MGST1: variants seen among roughly 807,000 people sequenced by gnomAD.
The protein encoded by MGST1 is glutathione S-transferase 12.
MGST1 carries 5 observed loss-of-function variants against 8.9 expected under a neutral mutation model. The observed-to-expected ratio is 0.56, with a 90% CI of 0.29 to 1.19. The LOEUF is 1.19. Ranked by LOEUF, MGST1 falls within the 50% of genes most tolerant of loss-of-function variation. The probability of loss-of-function intolerance (pLI) is 0.08; values close to 1 mark genes in which losing one functional copy is unlikely to be tolerated. For missense variants in MGST1, 182 were observed against 187.4 expected (o/e 0.97, Z 0.17); for synonymous variants, 54 against 67.8 (o/e 0.80, Z 1.00).
chr12:16,471,920 T>TATAC (rs1941291657), intron 4 of MGST1, among the ~76,000 whole-genome samples: 5 of 148,920 alleles, frequency 3.4e-5, no homozygotes, highest in Admixed American at 3.4e-4. Flanking sequence ...TACACACACA[T>TATAC]ACACACACAC....
chr12:16,367,007 A>G (rs1940204554), downstream of MGST1, among the ~76,000 whole-genome samples: 1 of 152,218 alleles, frequency 6.6e-6, no homozygotes, highest in African/African-American at 2.4e-5. Flanking sequence ...ATTATACTGG[A>G]CAAAAGTTTG....
intron 4 of MGST1, among the ~76,000 whole-genome samples, chr12:16,484,847 ATGT>A (rs1941388702): frequency 3.9e-5 from 6 of 152,188 alleles, no homozygotes; most frequent in African/African-American, 1.4e-4. Context: ...CTTTCCAGTG[ATGT>A]TGTAAGATAT....
intron 1 of MGST1, among the ~76,000 whole-genome samples, chr12:16,432,963 TAGTC>T (rs1324972274): frequency 1.3e-5 from 2 of 151,968 alleles, no homozygotes; most frequent in African/African-American, 2.4e-5. Flanking sequence ...GTGTGTGTAT[TAGTC>T]AGGGTTCTCT....
At chr12:16,509,714 G>T (rs577497306) in intron 4 of MGST1, among the ~76,000 whole-genome samples, 1 of 152,282 alleles carries the variant, frequency 6.6e-6, no homozygotes, top group South Asian at 2.1e-4. Context: ...TAGTCTTCCG[G>T]AGTCAGTTTT....
rs776669758 is a variant in MGST1 at position 16,376,159 on chromosome 12, A to G, written c.259A>G (p.Ile87Val). ...CCTGAGCATTTATCTTGCCTCTTCT[A>G]TATAAAGTTTAACTCGGCATAACCA... Residue 87 changes from isoleucine to valine, a missense_variant, in exon 4 of 4, where the codon ATA becomes GTA. Transcript: ENST00000535309. 5.9e-4 allele frequency: 727 copies of G among 1,236,846 alleles called. 1 individual carries two copies. The highest frequency in any genetic ancestry group is 7.3e-4 in the Non-Finnish European group (651 of 886,236). 76.6% of individuals were successfully genotyped at this position (1,236,846 alleles called of 1,614,324 possible).
At chr12:16,394,955 A>G (rs995014665) in intron 1 of MGST1, among the ~76,000 whole-genome samples, 1 of 151,946 alleles carries the variant, frequency 6.6e-6, no homozygotes, top group African/African-American at 2.4e-5. Context: ...ACTAGCCCCT[A>G]TCAATTTTAT....
At chr12:16,451,114 G>C (rs1941125407) in intron 4 of MGST1, among the ~76,000 whole-genome samples, 1 of 151,886 alleles carries the variant, frequency 6.6e-6, no homozygotes, top group East Asian at 1.9e-4. Flanking sequence ...TATCATTTCA[G>C]TTTTCAAAAT....
At chr12:16,514,719 G>C (rs1240012454) in intron 4 of MGST1, among the ~76,000 whole-genome samples, 1 of 152,230 alleles carries the variant, frequency 6.6e-6, no homozygotes, top group Admixed American at 6.5e-5. Context: ...TTCAGCCTCT[G>C]CTACTGGGAG....
chr12:16,522,180 C>G (rs538315759), intron 4 of MGST1, among the ~76,000 whole-genome samples: 2 of 152,138 alleles, frequency 1.3e-5, no homozygotes, highest in Non-Finnish European at 2.9e-5. Flanking sequence ...TTCATCAGCT[C>G]GGGGATTGGA....
At chr12:16,552,533 T>A (rs535683245) in intron 4 of MGST1, among the ~76,000 whole-genome samples, 1 of 152,190 alleles carries the variant, frequency 6.6e-6, no homozygotes, top group African/African-American at 2.4e-5. Context: ...TTTTTCCAAC[T>A]GGGTAGCTTT....
chr12:16,461,471 A>T (rs984708556), intron 4 of MGST1, among the ~76,000 whole-genome samples: 6 of 152,138 alleles, frequency 3.9e-5, no homozygotes, highest in Non-Finnish European at 7.4e-5. Context: ...GCCAAAGATG[A>T]TCCTTTATGA....
At chr12:16,480,835 C>T (rs1941359006) in intron 4 of MGST1, among the ~76,000 whole-genome samples, 1 of 152,100 alleles carries the variant, frequency 6.6e-6, no homozygotes, top group Non-Finnish European at 1.5e-5. Flanking sequence ...CTTTGGGAGG[C>T]CCAGGCAGGA....
intron 4 of MGST1, among the ~76,000 whole-genome samples, chr12:16,464,132 A>G (rs1408198953): frequency 1.3e-5 from 2 of 152,242 alleles, no homozygotes; most frequent in African/African-American, 2.4e-5. Context: ...CATAAGAATT[A>G]TGGGAAATAA....
chr12:16,386,201 G>T (rs1163359021), intron 1 of MGST1, among the ~76,000 whole-genome samples: 2 of 152,164 alleles, frequency 1.3e-5, no homozygotes, highest in East Asian at 3.8e-4. Context: ...GAGCTCTTTT[G>T]GAGAAGATCG....
chr12:16,399,367 C>G (rs547286323), intron 1 of MGST1: 4 of 1,527,774 alleles, frequency 2.6e-6, no homozygotes, highest in East Asian at 2.2e-5. Flanking sequence ...TGCACAGATG[C>G]CTTCCTCTTC....
At chr12:16,524,227 TAAA>T (rs943098806) in intron 4 of MGST1, among the ~76,000 whole-genome samples, 1 of 151,988 alleles carries the variant, frequency 6.6e-6, no homozygotes, top group African/African-American at 2.4e-5. Flanking sequence ...TACATGTAAA[TAAA>T]AAATTACCAA....
In MGST1 at chr12:16,401,430, G is replaced by A. The variant is rs16911919; in HGVS notation, n.778+17826G>A. On this transcript the variant is annotated intron_variant and non_coding_transcript_variant, in intron 1 of 1. Transcript: ENST00000359720. The surrounding 1 kb of genome is among the most constrained non-coding windows in gnomAD (Gnocchi z 4.3). Reference sequence around the variant, plus strand: ...GTTCTGGCTTCTGCTTTTTAGCCACGTCCATGACAGCATTATATACATCAC... The same window carrying A: ...GTTCTGGCTTCTGCTTTTTAGCCACATCCATGACAGCATTATATACATCAC... 1,865 of 874,746 alleles carry A rather than the reference G, an allele frequency of 2.1e-3. 27 individuals are homozygous for A. In the East Asian group the frequency reaches 0.036, roughly 17 times the overall value. The allele number at this position is 874,746 out of a possible 1,614,324, so 54.2% of individuals were successfully genotyped here.
In MGST1 at chr12:16,354,304, T is replaced by G. The variant is rs1157092698; in HGVS notation, c.52T>G (p.Ser18Ala). 6.2e-7 allele frequency: 1 copy of G among 1,607,908 alleles called. No homozygotes were observed. The highest frequency in any genetic ancestry group is 1.3e-5 in the African/African-American group (1 of 74,640). ...TGATGAAGTATTCATGGCTTTTGCA[T>G]CCTATGCAACAATTATTCTTTCAAA... Reference protein sequence around the residue: ...MDDEVFMAFASYATIILSKMM... With the variant: ...MDDEVFMAFAAYATIILSKMM... The change falls in exon 2 of 4, where the codon TCC (serine) becomes GCC (alanine). Residue 18 changes from serine (S) to alanine (A), a missense_variant. Physicochemically the swap from Ser to Ala is moderately conservative, Grantham distance 99 (BLOSUM62 1). Coordinates refer to ENST00000396210, the MANE Select transcript of MGST1 (RefSeq NM_020300.5).
At chr12:16,392,837 A>G (rs972450683) in intron 1 of MGST1, among the ~76,000 whole-genome samples, 2 of 152,142 alleles carry the variant, frequency 1.3e-5, no homozygotes, top group African/African-American at 4.8e-5. Flanking sequence ...TGAAATATAC[A>G]TTTTTGTATA....
Sources: gnomAD v4.1 joint callset for allele counts (sites outside exome capture counted in the v4.1 genomes callset) on GRCh38, gnomAD v4.1.1 for gene constraint, Gnocchi (gnomAD v3.1) non-coding constraint, MANE v1.5 for transcripts, NCBI Gene and HGNC (gene_info 2026-07-23, HGNC 2026-07-21) for gene names.